TRAP1: variants seen among roughly 807,000 people sequenced by gnomAD.
The protein encoded by TRAP1 is TNF receptor associated protein 1.
Under a neutral mutation model 89.1 loss-of-function variants are expected in TRAP1, and 102 were observed. The observed-to-expected ratio is 1.15, with a 90% CI of 0.98 to 1.35. The LOEUF is 1.35. Ranked by LOEUF, TRAP1 falls within the 40% of genes most tolerant of loss-of-function variation. The pLI, the probability that TRAP1 is intolerant of heterozygous loss-of-function variation, is 0.00. For missense variants in TRAP1, 1,256 were observed against 945.3 expected (o/e 1.33, Z -4.31); for synonymous variants, 508 against 388.0 (o/e 1.31, Z -3.64).
At chr16:3,675,189 C>T (rs1413395930) in intron 8 of TRAP1, 135 bp downstream of exon 8, 3 of 772,760 alleles carry the variant, frequency 3.9e-6, no homozygotes, top group East Asian at 2.7e-5. Flanking sequence ...TCCCCACACC[C>T]AGGTCTCATC....
chr16:3,677,711 C>G, intron 5 of TRAP1, 53 bp from the exon 6 acceptor site: 3 of 1,577,384 alleles, frequency 1.9e-6, no homozygotes, highest in Non-Finnish European at 1.7e-6. Flanking sequence ...AGAGCAGACA[C>G]TCCCAACACC....
chr16:3,717,407 C>G lies in TRAP1; in HGVS notation c.88+14G>C, dbSNP rs539324835. The G allele has an allele frequency of 1.4e-4, 152 of 1,122,402 alleles. 1 individual carries two copies. Among genetic ancestry groups the G allele is most frequent in the Middle Eastern group, 1.0e-3 (3 of 2,936 alleles). The allele number at this position is 1,122,402 out of a possible 1,614,324, so 69.5% of individuals were successfully genotyped here. On this transcript the variant is annotated intron_variant, in intron 1 of 17. Coordinates refer to ENST00000246957, the MANE Select transcript of TRAP1 (RefSeq NM_016292.3). Reference sequence around the variant, plus strand: ...CCGGCCCGCCCGCTGCCCGTCCAGCCAGGACGCCCTCACCTCCCGGCACGG... The same window carrying G: ...CCGGCCCGCCCGCTGCCCGTCCAGCGAGGACGCCCTCACCTCCCGGCACGG...
At chr16:3,673,870 G>A (rs1361217965) in intron 9 of TRAP1, among the ~76,000 whole-genome samples, 2 of 69,716 alleles carry the variant, frequency 2.9e-5, no homozygotes, top group Admixed American at 1.2e-4. Context: ...GGCCAACGGA[G>A]AGGCAAGACC....
In TRAP1 at chr16:3,672,582, C is replaced by T. The variant is rs141416922; in HGVS notation, c.1165+118G>A. Reference sequence around the variant, plus strand: ...CGACTGACACACAGGCAGCGCAGGCCGACGGCGGTGCTCTCGCTGCAGAGG... The same window carrying T: ...CGACTGACACACAGGCAGCGCAGGCTGACGGCGGTGCTCTCGCTGCAGAGG... On this transcript the variant is annotated intron_variant, in intron 10 of 17. Transcript: ENST00000246957. The T allele has an allele frequency of 3.3e-4, 476 of 1,431,774 alleles. 2 individuals are homozygous for T. In the African/African-American group the frequency reaches 5.2e-3, roughly 16 times the overall value. 88.7% of individuals were successfully genotyped at this position (1,431,774 alleles called of 1,614,324 possible). A position where few individuals can be genotyped will look rare whatever the true frequency, so the allele number is the denominator to read the frequency against.
chr16:3,692,740 A>G (rs2051233053), intron 1 of TRAP1, among the ~76,000 whole-genome samples: 1 of 149,362 alleles, frequency 6.7e-6, no homozygotes, highest in African/African-American at 2.5e-5. Flanking sequence ...CTGGGTTTAC[A>G]GGCGCCTGCC....
chr16:3,710,873 A>ATTTTT (rs199927286), intron 1 of TRAP1, among the ~76,000 whole-genome samples: 57 of 106,056 alleles, frequency 5.4e-4, no homozygotes, highest in African/African-American at 2.3e-3. Context: ...ATATATATAT[A>ATTTTT]TATATATTTT....
chr16:3,692,544 A>AG (rs1227894504), intron 1 of TRAP1, among the ~76,000 whole-genome samples: 1 of 151,726 alleles, frequency 6.6e-6, no homozygotes, highest in East Asian at 1.9e-4. Flanking sequence ...TCAAAAAAAA[A>AG]AAAAAATTAA....
chr16:3,695,730 T>C (rs896272225), intron 1 of TRAP1, among the ~76,000 whole-genome samples: 1 of 151,948 alleles, frequency 6.6e-6, no homozygotes, highest in African/African-American at 2.4e-5. Context: ...AAAACTAACC[T>C]CAGAGGACAG....
chr16:3,679,660 T>TG, intron 5 of TRAP1, 59 bp downstream of exon 5: 2 of 1,581,394 alleles, frequency 1.3e-6, no homozygotes, highest in Non-Finnish European at 1.7e-6. Context: ...CCACCCCTAC[T>TG]GGAGGGATCC....
At position 3,664,401 on chromosome 16, in the gene TRAP1, G is replaced by C; in HGVS notation, c.1442C>G (p.Thr481Ser). The C allele has an allele frequency of 6.2e-7, 1 of 1,612,400 alleles. No individual in the cohort carries two copies. Among genetic ancestry groups the C allele is most frequent in the Non-Finnish European group, 8.5e-7 (1 of 1,179,468 alleles). Residue 481 changes from threonine to serine, a missense_variant, in exon 13 of 18, where the codon ACC becomes AGC. Thr to Ser is a moderately conservative substitution (Grantham distance 58, BLOSUM62 1). Transcript: ENST00000246957. ...ESSALPSGQL[T>S]SLSEYASRMR... ...GCGGCTGGCGTATTCTGAGAGGCTG[G>C]TTAGCTGCCCGGAGGGCAGCGCCGA...
rs879486212 is a variant in TRAP1, at chr16:3,699,408, G to A, written c.89-8423C>T. Among the ~76,000 whole-genome samples the A allele has an allele frequency of 1.2e-4, 18 of 152,192 alleles. No individual in the cohort carries two copies. In the East Asian group the frequency reaches 3.1e-3, roughly 26 times the overall value. On this transcript the variant is annotated intron_variant, in intron 1 of 17. Transcript: ENST00000246957. The stretch of plus-strand genomic sequence containing the variant: ...TCCCAGCACTTTGGGAGGCCGAGGC[G>A]GGTGGATCACCTGAGGTCAGGAGTT...
Position 3,711,607 on chromosome 16 carries a change from C to CA in TRAP1, c.88+5813dup, listed in dbSNP as rs796121734. On this transcript the variant is annotated intron_variant, in intron 1 of 17. Transcript: ENST00000246957. ...GAGCAAGACTCCATCTTGAAAAAAA[C>CA]AAAAAAAAAACAAAAACCAAAACAA... Among the ~76,000 whole-genome samples the CA allele has an allele frequency of 7.5e-3, 1,069 of 141,602 alleles. 8 individuals carry two copies. The highest frequency in any genetic ancestry group is 0.025 in the Middle Eastern group (7 of 278). The allele number at this position is 141,602 out of a possible 152,430, so 92.9% of individuals were successfully genotyped here.
rs935998848 is a variant in TRAP1, at chr16:3,690,831, C to T, written c.243G>A (p.Val81=). The T allele has an allele frequency of 1.1e-5, 16 of 1,483,336 alleles. No homozygotes were observed. The highest frequency in any genetic ancestry group is 1.3e-5 in the Non-Finnish European group (15 of 1,111,894). 91.9% of individuals were successfully genotyped at this position (1,483,336 alleles called of 1,614,324 possible). Reference sequence around the variant, plus strand: ...CAAAGCACGAGCCAAGGCTACCCTGCACGCTCTCTGTGCTGCTGATAATCG... The same window carrying T: ...CAAAGCACGAGCCAAGGCTACCCTGTACGCTCTCTGTGCTGCTGATAATCG... ...LHSIISSTES[V]QGSTSKHEFQ... The change falls in exon 2 of 18, where the codon GTG becomes GTA. Residue 81 remains valine, a synonymous_variant. Transcript: ENST00000246957.
At chr16:3,683,992 C>G (rs1287585721) in intron 4 of TRAP1, among the ~76,000 whole-genome samples, 1 of 151,806 alleles carries the variant, frequency 6.6e-6, no homozygotes, top group African/African-American at 2.4e-5. Context: ...ATGGTGAAAC[C>G]CCATCTCTAC....
chr16:3,693,851 G>C (rs554751632), intron 1 of TRAP1, among the ~76,000 whole-genome samples: 5 of 152,066 alleles, frequency 3.3e-5, no homozygotes, highest in Non-Finnish European at 5.9e-5. Context: ...AAACTAGCCA[G>C]GTGTAGTGGT....
chr16:3,698,773 C>A (rs147436408), intron 1 of TRAP1, among the ~76,000 whole-genome samples: 2 of 152,106 alleles, frequency 1.3e-5, no homozygotes, highest in East Asian at 3.9e-4. Context: ...GTGGTGCATG[C>A]CTGTAGTCTC....
intron 9 of TRAP1, among the ~76,000 whole-genome samples, chr16:3,673,277 A>G (rs1205700259): frequency 2.6e-5 from 4 of 152,216 alleles, no homozygotes; most frequent in East Asian, 1.9e-4. Flanking sequence ...TTCAGTGTCT[A>G]CGCAGCTCAT....
intron 1 of TRAP1, among the ~76,000 whole-genome samples, chr16:3,697,877 C>A (rs1016849546): frequency 6.6e-6 from 1 of 151,504 alleles, no homozygotes. Flanking sequence ...CAACCTCTGC[C>A]TCCCAGGTTC....
chr16:3,664,590 TAGTGGA>T (rs2050784487), intron 12 of TRAP1, 131 bp from the exon 13 acceptor site: 1 of 969,176 alleles, frequency 1.0e-6, no homozygotes, highest in Non-Finnish European at 1.5e-6. Flanking sequence ...CGAGGGACGG[TAGTGGA>T]CTCGGGGGTT....
Sources: allele counts gnomAD v4.1 joint callset (sites outside exome capture counted in the v4.1 genomes callset), GRCh38; gene constraint gnomAD v4.1.1; transcripts MANE v1.5; gene names NCBI Gene and HGNC (gene_info 2026-07-23, HGNC 2026-07-21).